The following H1-2 variants were observed in gnomAD, a reference collection of about 807,000 sequenced individuals.
H1-2 encodes histone H1.2.
H1-2 carries 7 observed loss-of-function variants against 7.2 expected under a neutral mutation model. That is an observed-to-expected ratio of 0.97 (90% confidence interval 0.55 to 1.82). The LOEUF (loss-of-function observed/expected upper bound fraction) is 1.82, where lower values mean the gene tolerates loss of function less well. H1-2 is among the 40% of genes most tolerant of loss of function. The probability of loss-of-function intolerance (pLI) is 0.00; values close to 1 mark genes in which losing one functional copy is unlikely to be tolerated. For synonymous variants in H1-2, 300 were observed against 118.2 expected (o/e 2.54, Z -9.98); for missense variants, 703 against 276.6 (o/e 2.54, Z -10.94).
rs758803782 is a variant in H1-2 at position 26,055,761 on chromosome 6, T to G, written c.*26A>C. The G allele has an allele frequency of 1.9e-6, 3 of 1,567,112 alleles. No individual in the cohort carries two copies. Among genetic ancestry groups the G allele is most frequent in the Non-Finnish European group, 2.6e-6 (3 of 1,162,024 alleles). Reference sequence around the variant, plus strand: ...TCAGTGGTGGCTCTGAAAAGAGCCTTTTGGGTTTTAGAAGTAGGCGTTCGC... The same window carrying G: ...TCAGTGGTGGCTCTGAAAAGAGCCTGTTGGGTTTTAGAAGTAGGCGTTCGC... On this transcript the variant is annotated 3_prime_UTR_variant, in exon 1 of 1. Transcript: ENST00000343677.
At position 26,056,470 on chromosome 6, in the gene H1-2, T is replaced by G. The variant is rs368192849; in HGVS notation, c.-42A>C. The G allele has an allele frequency of 6.5e-6, 10 of 1,535,108 alleles. No homozygotes were observed. Among genetic ancestry groups the G allele is most frequent in the Non-Finnish European group, 8.7e-6 (10 of 1,146,314 alleles). On this transcript the variant is annotated 5_prime_UTR_variant, in exon 1 of 1. Transcript: ENST00000343677. ...TCGGGTACAAGTGGCAAAGCGCCGA[T>G]GAAGCAGCGCCTGGGCAGGGCCGCT...
Position 26,055,780 on chromosome 6 carries a change from C to T in H1-2, c.*7G>A, listed in dbSNP as rs370495764. 12 of 1,585,146 alleles carry T rather than the reference C, an allele frequency of 7.6e-6. No individual in the cohort carries two copies. The highest frequency in any genetic ancestry group is 2.0e-5 in the Admixed American group (1 of 50,464). Reference sequence around the variant, plus strand: ...GAGCCTTTTGGGTTTTAGAAGTAGGCGTTCGCCTATTTCTTCTTGGGCGCC... The same window carrying T: ...GAGCCTTTTGGGTTTTAGAAGTAGGTGTTCGCCTATTTCTTCTTGGGCGCC... On this transcript the variant is annotated 3_prime_UTR_variant, in exon 1 of 1. Transcript: ENST00000343677.
Position 26,056,397 on chromosome 6 carries a change from G to A in H1-2, c.32C>T (p.Ala11Val), listed in dbSNP as rs1390992312. 8 of 1,600,528 alleles carry A rather than the reference G, an allele frequency of 5.0e-6. No homozygotes were observed. Among genetic ancestry groups the A allele is most frequent in the Admixed American group, 1.7e-5 (1 of 57,326 alleles). ...AGGGGCCTTCTCCGCAGGAGGCGCG[G>A]CAGCGGGAGCGGCAGGAGCAGTCTC... The part of the protein sequence containing the change: MSETAPAAPA[A>V]APPAEKAPVK... Residue 11 changes from alanine (A) to valine (V), a missense_variant, in exon 1 of 1, where the codon GCC becomes GTC. By Grantham distance (64) the Ala-to-Val change is moderately conservative. Transcript: ENST00000343677.
rs761510895 is a variant in H1-2 at position 26,056,342 on chromosome 6, C to A, written c.87G>T (p.Gly29=). 55 of 1,613,706 alleles carry A rather than the reference C, an allele frequency of 3.4e-5. No individual in the cohort carries two copies. The Admixed American group carries it at 9.0e-4, about 26-fold the overall frequency. The change falls in exon 1 of 1, where the codon GGG becomes GGT. Residue 29 remains glycine, a synonymous_variant. Transcript: ENST00000343677. ...GACCAGACGCCTTACGAGGCGTACC[C>A]CCAGCCTTTTTGGCCGCCTTCTTCT... ...PVKKKAAKKA[G]GTPRKASGPP...
Position 26,055,789 on chromosome 6 carries a change from A to T in H1-2, c.640T>A (p.Ter214LysextTer6), listed in dbSNP as rs753297409. ...KPKKAAPKKK[*>K] is the part of the protein sequence containing the mutation. The stretch of plus-strand genomic sequence containing the variant: ...GGGTTTTAGAAGTAGGCGTTCGCCT[A>T]TTTCTTCTTGGGCGCCGCCTTCTTA... The change falls in exon 1 of 1, where the codon TAG becomes AAG. Residue 214 changes from the stop codon to lysine (K), a stop_lost. Transcript: ENST00000343677. 2 of 1,590,528 alleles carry T rather than the reference A, an allele frequency of 1.3e-6. No homozygotes were observed. The highest frequency in any genetic ancestry group is 2.7e-5 in the African/African-American group (2 of 73,030).
In H1-2 at chr6:26,055,963, T is replaced by C. The variant is rs1311035166; in HGVS notation, c.466A>G (p.Lys156Glu). 2 of 1,614,072 alleles carry C rather than the reference T, an allele frequency of 1.2e-6. No individual in the cohort carries two copies. The highest frequency in any genetic ancestry group is 1.7e-6 in the Non-Finnish European group (2 of 1,180,020). ...TPKKSAKKTPKKAKKPAAATV... is the reference protein window; with the variant it reads ...TPKKSAKKTPEKAKKPAAATV... ...GCCGCGGCCGGCTTCTTCGCTTTCT[T>C]CGGTGTTTTCTTAGCGCTCTTCTTC... Residue 156 changes from lysine to glutamate, a missense_variant, in exon 1 of 1, where the codon AAG (lysine) becomes GAG (glutamate). Physicochemically the swap from Lys to Glu is moderately conservative, Grantham distance 56 (BLOSUM62 1). Coordinates refer to ENST00000343677, the MANE Select transcript of H1-2 (RefSeq NM_005319.4).
chr6:26,056,149 C>T lies in H1-2; in HGVS notation c.280G>A (p.Val94Met), dbSNP rs186228942. The change falls in exon 1 of 1, where the codon GTG becomes ATG. Residue 94 changes from valine (V) to methionine (M), a missense_variant. Transcript: ENST00000343677. ...GAAGCACCGGTGCCTTTCGTTTGCA[C>T]CAGAGTGCCCTTGCTCACCAGGCTC... ...LKSLVSKGTL[V>M]QTKGTGASGS... 18 of 1,614,106 alleles carry T rather than the reference C, an allele frequency of 1.1e-5. No individual in the cohort carries two copies. The highest frequency in any genetic ancestry group is 1.3e-5 in the Non-Finnish European group (15 of 1,180,042).
chr6:26,055,853 A>G lies in H1-2; in HGVS notation c.576T>C (p.Ala192=), dbSNP rs769149236. The change falls in exon 1 of 1, where the codon GCT becomes GCC. Residue 192 remains alanine, a synonymous_variant. Coordinates refer to ENST00000343677, the MANE Select transcript of H1-2 (RefSeq NM_005319.4). The stretch of plus-strand genomic sequence containing the variant: ...TGGGCTTAGCGGCCTTGGGCTTCAC[A>G]GCCTTAGCAGCACTTTTGGCAGCTT... ...PKKAAKSAAK[A]VKPKAAKPKV... is the part of the protein sequence containing the mutation. The G allele has an allele frequency of 1.2e-6, 2 of 1,613,918 alleles. No individual in the cohort carries two copies. The highest frequency in any genetic ancestry group is 8.5e-7 in the Non-Finnish European group (1 of 1,179,882).
rs1761911857 is a variant in H1-2, at chr6:26,056,028, GC to G, written c.400del (p.Ala134GlnfsTer33). ...GGTKPKKPVG[A>X]AKKPKKAAGG... ...AGCCGCCTTCTTGGGCTTCTTGGCT[GC>G]CCCAACTGGCTTCTTAGGTTTGGTT... On this transcript the variant is annotated frameshift_variant, in exon 1 of 1. Transcript: ENST00000343677. LOFTEE classifies it high-confidence loss of function. 6.2e-7 allele frequency: 1 copy of G among 1,614,064 alleles called. No homozygotes were observed. The highest frequency in any genetic ancestry group is 1.3e-5 in the African/African-American group (1 of 75,034).
At position 26,055,858 on chromosome 6, in the gene H1-2, TAGC is replaced by T. The variant is rs1561926961; in HGVS notation, c.568_570del (p.Ala190del). ...TTAGCGGCCTTGGGCTTCACAGCCT[TAGC>T]AGCACTTTTGGCAGCTTTCTTGGGC... On this transcript the variant is annotated inframe_deletion, in exon 1 of 1. Coordinates refer to ENST00000343677, the MANE Select transcript of H1-2 (RefSeq NM_005319.4). 3 of 1,614,156 alleles carry T rather than the reference TAGC, an allele frequency of 1.9e-6. No homozygotes were observed. The highest frequency in any genetic ancestry group is 2.2e-5 in the East Asian group (1 of 44,880).
chr6:26,056,389 GAGGCGCGGCAGC>G lies in H1-2; in HGVS notation c.28_39del (p.Ala10_Pro13del), dbSNP rs1383402606. The G allele has an allele frequency of 1.2e-6, 2 of 1,602,070 alleles. No individual in the cohort carries two copies. Among genetic ancestry groups the G allele is most frequent in the Non-Finnish European group, 1.7e-6 (2 of 1,174,386 alleles). On this transcript the variant is annotated inframe_deletion, in exon 1 of 1. Coordinates refer to ENST00000343677, the MANE Select transcript of H1-2 (RefSeq NM_005319.4). ...TTCTTTACAGGGGCCTTCTCCGCAGGAGGCGCGGCAGCGGGAGCGGCAGGAGCAGTCTCGGAC... is the reference window on the plus strand; with the variant it reads ...TTCTTTACAGGGGCCTTCTCCGCAGGGGGAGCGGCAGGAGCAGTCTCGGAC...
rs377657422 is a variant in H1-2, at chr6:26,056,334, G to A, written c.95C>T (p.Pro32Leu). ...CACCGGGGGACCAGACGCCTTACGA[G>A]GCGTACCCCCAGCCTTTTTGGCCGC... ...KKAAKKAGGT[P>L]RKASGPPVSE... is the part of the protein sequence containing the mutation. The change falls in exon 1 of 1, where the codon CCT (proline) becomes CTT (leucine). Residue 32 changes from proline to leucine, a missense_variant. By Grantham distance (98) the Pro-to-Leu change is moderately conservative. Coordinates refer to ENST00000343677, the MANE Select transcript of H1-2 (RefSeq NM_005319.4). The A allele has an allele frequency of 4.9e-5, 79 of 1,613,920 alleles. No individual in the cohort carries two copies. The highest frequency in any genetic ancestry group is 6.1e-5 in the Non-Finnish European group (72 of 1,179,916).
At position 26,055,834 on chromosome 6, in the gene H1-2, T is replaced by G. The variant is rs1340428452; in HGVS notation, c.595A>C (p.Lys199Gln). 2 of 1,612,486 alleles carry G rather than the reference T, an allele frequency of 1.2e-6. No individual in the cohort carries two copies. The highest frequency in any genetic ancestry group is 1.7e-4 in the Middle Eastern group (1 of 6,030). The change falls in exon 1 of 1, where the codon AAG becomes CAG. Residue 199 changes from lysine to glutamine, a missense_variant. Transcript: ENST00000343677. ...AAKAVKPKAAKPKVVKPKKAA... is the reference protein window; with the variant it reads ...AAKAVKPKAAQPKVVKPKKAA... Reference sequence around the variant, plus strand: ...TTCTTAGGCTTGACAACCTTGGGCTTAGCGGCCTTGGGCTTCACAGCCTTA... The same window carrying G: ...TTCTTAGGCTTGACAACCTTGGGCTGAGCGGCCTTGGGCTTCACAGCCTTA...
rs199882747 is a variant in H1-2, at chr6:26,055,928, G to A, written c.501C>T (p.Thr167=). The A allele has an allele frequency of 1.2e-5, 19 of 1,614,014 alleles. 1 individual carries two copies. The highest frequency in any genetic ancestry group is 1.5e-5 in the Non-Finnish European group (18 of 1,180,034). ...KAKKPAAATV[T]KKVAKSPKKA... is the part of the protein sequence containing the mutation. ...TCTTTGGGCTCTTAGCCACTTTCTTGGTTACAGTGGCCGCGGCCGGCTTCT... is the reference window on the plus strand; with the variant it reads ...TCTTTGGGCTCTTAGCCACTTTCTTAGTTACAGTGGCCGCGGCCGGCTTCT... The change falls in exon 1 of 1, where the codon ACC becomes ACT. Residue 167 remains threonine (T), a synonymous_variant. Transcript: ENST00000343677.
At position 26,055,837 on chromosome 6, in the gene H1-2, C is replaced by G. The variant is rs752256145; in HGVS notation, c.592G>C (p.Ala198Pro). 3.7e-6 allele frequency: 6 copies of G among 1,612,530 alleles called. No homozygotes were observed. Among genetic ancestry groups the G allele is most frequent in the Non-Finnish European group, 5.1e-6 (6 of 1,179,484 alleles). ...SAAKAVKPKA[A>P]KPKVVKPKKA... Reference sequence around the variant, plus strand: ...TTAGGCTTGACAACCTTGGGCTTAGCGGCCTTGGGCTTCACAGCCTTAGCA... The same window carrying G: ...TTAGGCTTGACAACCTTGGGCTTAGGGGCCTTGGGCTTCACAGCCTTAGCA... The change falls in exon 1 of 1, where the codon GCT becomes CCT. Residue 198 changes from alanine to proline, a missense_variant. Transcript: ENST00000343677.
In H1-2 at chr6:26,056,324, C is replaced by T. The variant is rs139532972; in HGVS notation, c.105G>A (p.Ala35=). Residue 35 remains alanine, a synonymous_variant, in exon 1 of 1, where the codon GCG becomes GCA. Transcript: ENST00000343677. ...AKKAGGTPRK[A]SGPPVSELIT... is the part of the protein sequence containing the mutation. The stretch of plus-strand genomic sequence containing the variant: ...TGAGCTCTGACACCGGGGGACCAGA[C>T]GCCTTACGAGGCGTACCCCCAGCCT... 554 of 1,613,958 alleles carry T rather than the reference C, an allele frequency of 3.4e-4. 1 individual carries two copies. Among genetic ancestry groups the T allele is most frequent in the Non-Finnish European group, 4.3e-4 (513 of 1,179,934 alleles).
rs1257086752 is a variant in H1-2 at position 26,055,942 on chromosome 6, C to T, written c.487G>A (p.Ala163Thr). The change falls in exon 1 of 1, where the codon GCG becomes ACG. Residue 163 changes from alanine (A) to threonine (T), a missense_variant. Ala to Thr is a moderately conservative substitution (Grantham distance 58, BLOSUM62 0). Coordinates refer to ENST00000343677, the MANE Select transcript of H1-2 (RefSeq NM_005319.4). Reference sequence around the variant, plus strand: ...GCCACTTTCTTGGTTACAGTGGCCGCGGCCGGCTTCTTCGCTTTCTTCGGT... The same window carrying T: ...GCCACTTTCTTGGTTACAGTGGCCGTGGCCGGCTTCTTCGCTTTCTTCGGT... ...KTPKKAKKPA[A>T]ATVTKKVAKS... 3 of 1,614,044 alleles carry T rather than the reference C, an allele frequency of 1.9e-6. No individual in the cohort carries two copies. The highest frequency in any genetic ancestry group is 2.2e-5 in the East Asian group (1 of 44,888).
chr6:26,056,171 G>T lies in H1-2; in HGVS notation c.258C>A (p.Ser86Arg). 6.2e-7 allele frequency: 1 copy of T among 1,614,210 alleles called. No individual in the cohort carries two copies. The change falls in exon 1 of 1, where the codon AGC becomes AGA. Residue 86 changes from serine to arginine, a missense_variant. Ser to Arg is a moderately radical substitution (Grantham distance 110). Transcript: ENST00000343677. The part of the protein sequence containing the change: ...NNSRIKLGLK[S>R]LVSKGTLVQT... ...GCACCAGAGTGCCCTTGCTCACCAG[G>T]CTCTTGAGACCAAGTTTGATACGGC...
rs370362598 is a variant in H1-2 at position 26,056,366 on chromosome 6, C to T, written c.63G>A (p.Lys21=). 6.1e-5 allele frequency: 99 copies of T among 1,613,320 alleles called. No homozygotes were observed. In the East Asian group the frequency reaches 1.0e-3, roughly 17 times the overall value. ...CCCCAGCCTTTTTGGCCGCCTTCTTCTTTACAGGGGCCTTCTCCGCAGGAG... is the reference window on the plus strand; with the variant it reads ...CCCCAGCCTTTTTGGCCGCCTTCTTTTTTACAGGGGCCTTCTCCGCAGGAG... ...AAPPAEKAPV[K]KKAAKKAGGT... is the part of the protein sequence containing the mutation. Residue 21 remains lysine, a synonymous_variant, in exon 1 of 1, where the codon AAG becomes AAA. Transcript: ENST00000343677.
Sources: gnomAD v4.1 joint callset for allele counts on GRCh38, gnomAD v4.1.1 for gene constraint, MANE v1.5 for transcripts, NCBI Gene and HGNC (gene_info 2026-07-23, HGNC 2026-07-21) for gene names.